The following ST3GAL4 variants were observed in gnomAD, a reference collection of about 807,000 sequenced individuals.
ST3GAL4 encodes the protein ST3 beta-galactoside alpha-2,3-sialyltransferase 4, also known as CMP-N-acetylneuraminate-beta-galactosamide-alpha-2,3-sialyltransferase 4.
A neutral mutation model predicts 42.6 loss-of-function variants in ST3GAL4; 24 were observed. The ratio of observed to expected loss-of-function variants is 0.56; its 90% confidence interval spans 0.41 to 0.79. The LOEUF is 0.79. Among genes scored for constraint, ST3GAL4 ranks in the 30% least tolerant of loss-of-function variants. ST3GAL4 has a pLI of 0.00. For missense variants in ST3GAL4, 311 were observed against 430.8 expected (o/e 0.72, Z 2.46); for synonymous variants, 135 against 163.2 (o/e 0.83, Z 1.32).
At position 126,394,068 on chromosome 11, in the gene ST3GAL4, G is replaced by A. The variant is rs116861780; in HGVS notation, c.-60-12028G>A. 3.8e-3 allele frequency among the ~76,000 whole-genome samples: 586 copies of A among 152,360 alleles called. 7 individuals carry two copies. Among genetic ancestry groups the A allele is most frequent in the Non-Finnish European group, 5.6e-3 (378 of 68,028 alleles). On this transcript the variant is annotated intron_variant, in intron 1 of 10. Coordinates refer to ENST00000444328, the MANE Select transcript of ST3GAL4 (RefSeq NM_001254757.2). ...GGGGTGACCAAGTGGGATGTGGTGG[G>A]GCTGGTGCAGTCCACCATTCTCACA...
rs1258650011 is a variant in ST3GAL4 at position 126,363,723 on chromosome 11, A to C, written c.-61+7881A>C. ...CTAAGCTTCCCTAGCCTGGGACCTG[A>C]ACCCTCCACCCTCCTCTCTCTTGAG... On this transcript the variant is annotated intron_variant, in intron 1 of 10. Transcript: ENST00000444328. This position sits in a 1 kb window ranked among gnomAD's most constrained non-coding sequence, Gnocchi z 4.6. Among the ~76,000 whole-genome samples the C allele has an allele frequency of 2.6e-5, 4 of 152,170 alleles. No homozygotes were observed. Among genetic ancestry groups the C allele is most frequent in the Admixed American group, 6.5e-5 (1 of 15,280 alleles).
At chr11:126,374,528 G>A (rs1252419281) in intron 1 of ST3GAL4, among the ~76,000 whole-genome samples, 2 of 151,662 alleles carry the variant, frequency 1.3e-5, no homozygotes, top group African/African-American at 4.8e-5. Context: ...CCATGTCTAC[G>A]GAAAAGCATT....
chr11:126,358,026 C>T (rs1952126025), intron 1 of ST3GAL4, among the ~76,000 whole-genome samples: 1 of 152,216 alleles, frequency 6.6e-6, no homozygotes, highest in Non-Finnish European at 1.5e-5. Context: ...GGAGCTTGGG[C>T]CCCAAGTGGG....
chr11:126,357,753 G>A (rs1165291668), intron 1 of ST3GAL4, among the ~76,000 whole-genome samples: 1 of 152,160 alleles, frequency 6.6e-6, no homozygotes, highest in Non-Finnish European at 1.5e-5. Context: ...CTCCCCACTG[G>A]CCACCATCTG....
intron 1 of ST3GAL4, among the ~76,000 whole-genome samples, chr11:126,361,465 C>G (rs1280433957): frequency 6.6e-6 from 1 of 151,828 alleles, no homozygotes; most frequent in Non-Finnish European, 1.5e-5. Context: ...ACCTCCTCGC[C>G]TTTGCTTCTG....
At chr11:126,358,407 C>T in intron 1 of ST3GAL4, 2 of 427,806 alleles carry the variant, frequency 4.7e-6, no homozygotes, top group Middle Eastern at 3.3e-4. Flanking sequence ...TTGTTGCCCC[C>T]TTCCCAGAGG....
Position 126,396,657 on chromosome 11 carries a change from G to T in ST3GAL4, c.-60-9439G>T, listed in dbSNP as rs1387563612. Among the ~76,000 whole-genome samples, 1 of 151,534 alleles carries T rather than the reference G, an allele frequency of 6.6e-6. No individual in the cohort carries two copies. Among genetic ancestry groups the T allele is most frequent in the Non-Finnish European group, 1.5e-5 (1 of 67,972 alleles). ...CCCCTAATTGCTGTGTAGGGCAGGG[G>T]TGGACATCCCGGGGATCGTGGAGTC... On this transcript the variant is annotated intron_variant, in intron 1 of 10. Coordinates refer to ENST00000444328, the MANE Select transcript of ST3GAL4 (RefSeq NM_001254757.2). This position sits in a 1 kb window ranked among gnomAD's most constrained non-coding sequence, Gnocchi z 5.8.
chr11:126,398,682 G>T lies in ST3GAL4; in HGVS notation c.-60-7414G>T, dbSNP rs1311062259. ...TGACCCTGCAACCAGTCTCTGCCTGGGTCCCGAGTCTGTCCGCAATATCCT... is the reference window on the plus strand; with the variant it reads ...TGACCCTGCAACCAGTCTCTGCCTGTGTCCCGAGTCTGTCCGCAATATCCT... On this transcript the variant is annotated intron_variant, in intron 1 of 10. Transcript: ENST00000444328. This position sits in a 1 kb window ranked among gnomAD's most constrained non-coding sequence, Gnocchi z 4.7. Among the ~76,000 whole-genome samples, 1 of 152,230 alleles carries T rather than the reference G, an allele frequency of 6.6e-6. No homozygotes were observed. Among genetic ancestry groups the T allele is most frequent in the African/African-American group, 2.4e-5 (1 of 41,454 alleles).
rs1390804363 is a variant in ST3GAL4, at chr11:126,380,000, G to A, written c.-61+24158G>A. ...GTCTCGGCCGGGCACAGTGACTTGCGCCTGTAATGGTAGCACTTTGGGAAG... is the reference window on the plus strand; with the variant it reads ...GTCTCGGCCGGGCACAGTGACTTGCACCTGTAATGGTAGCACTTTGGGAAG... On this transcript the variant is annotated intron_variant, in intron 1 of 10. Transcript: ENST00000444328. The surrounding 1 kb of genome is among the most constrained non-coding windows in gnomAD (Gnocchi z 4.2). 3.3e-5 allele frequency among the ~76,000 whole-genome samples: 5 copies of A among 152,052 alleles called. No individual in the cohort carries two copies. Among genetic ancestry groups the A allele is most frequent in the Non-Finnish European group, 5.9e-5 (4 of 68,018 alleles).
At chr11:126,412,102 G>C (rs563040996) in intron 9 of ST3GAL4, among the ~76,000 whole-genome samples, 1 of 152,214 alleles carries the variant, frequency 6.6e-6, no homozygotes, top group African/African-American at 2.4e-5. Context: ...GCCGGTAGGG[G>C]GCGGGGGGTG....
chr11:126,377,285 C>T (rs940838607), intron 1 of ST3GAL4, among the ~76,000 whole-genome samples: 2 of 152,052 alleles, frequency 1.3e-5, no homozygotes, highest in Non-Finnish European at 1.5e-5. Flanking sequence ...ATTCTCCTGC[C>T]TCAACCTCCT....
At chr11:126,413,918 T>A (rs1954635681) in intron 10 of ST3GAL4, 43 bp from the exon 11 acceptor site, 1 of 1,606,328 alleles carries the variant, frequency 6.2e-7, no homozygotes, top group Non-Finnish European at 8.5e-7. Context: ...GACAGAGAGG[T>A]CCCTGGGAGT....
intron 1 of ST3GAL4, among the ~76,000 whole-genome samples, chr11:126,388,016 A>G (rs1264330307): frequency 1.3e-5 from 2 of 152,212 alleles, no homozygotes; most frequent in Non-Finnish European, 2.9e-5. Flanking sequence ...GCAGATTTCA[A>G]GTTGTTTCCA....
At chr11:126,413,824 T>TG in intron 10 of ST3GAL4, 137 bp from the exon 11 acceptor site, 1 of 1,394,818 alleles carries the variant, frequency 7.2e-7, no homozygotes. Flanking sequence ...ACATGGGCTT[T>TG]GTCTTCCTTC....
At chr11:126,408,850 C>A in intron 8 of ST3GAL4, 1 of 416,986 alleles carries the variant, frequency 2.4e-6, no homozygotes, top group Non-Finnish European at 4.3e-6. Context: ...CAGGTTAGAG[C>A]AATGAGGCCT....
chr11:126,413,405 C>T (rs1419484579), intron 9 of ST3GAL4, 100 bp from the exon 10 acceptor site: 16 of 1,466,118 alleles, frequency 1.1e-5, no homozygotes, highest in East Asian at 7.3e-5. Context: ...AGATGGAGAA[C>T]GTTTCCGTGA....
At chr11:126,388,313 C>T (rs1410134803) in intron 1 of ST3GAL4, among the ~76,000 whole-genome samples, 1 of 152,096 alleles carries the variant, frequency 6.6e-6, no homozygotes, top group Non-Finnish European at 1.5e-5. Context: ...TGTCCTTTGG[C>T]TATTTTTATT....
At chr11:126,413,474 C>T in intron 9 of ST3GAL4, 31 bp from the exon 10 acceptor site, 1 of 1,610,838 alleles carries the variant, frequency 6.2e-7, no homozygotes, top group Non-Finnish European at 8.5e-7. Context: ...AGCAGGGCTC[C>T]CACTAACACC....
In ST3GAL4 at chr11:126,357,933, C is replaced by T. The variant is rs183331944; in HGVS notation, c.-61+2091C>T. ...GGGATCCCTCTATCTTGGACTAATA[C>T]AAATGTTTCCGTGCCTGCCAAGTTC... is the stretch of plus-strand genomic sequence containing the variant. On this transcript the variant is annotated intron_variant, in intron 1 of 10. Coordinates refer to ENST00000444328, the MANE Select transcript of ST3GAL4 (RefSeq NM_001254757.2). Among the ~76,000 whole-genome samples, 54 of 152,362 alleles carry T rather than the reference C, an allele frequency of 3.5e-4. No individual in the cohort carries two copies. In the East Asian group the frequency reaches 9.9e-3, roughly 28 times the overall value.
Sources: allele counts gnomAD v4.1 joint callset (sites outside exome capture counted in the v4.1 genomes callset), GRCh38; gene constraint gnomAD v4.1.1; non-coding constraint Gnocchi (gnomAD v3.1); transcripts MANE v1.5; gene names NCBI Gene and HGNC (gene_info 2026-07-23, HGNC 2026-07-21).